The following SEMA3D variants were observed in gnomAD, a reference collection of about 807,000 sequenced individuals.
SEMA3D encodes the protein semaphorin-3D.
Under a neutral mutation model 100.1 loss-of-function variants are expected in SEMA3D, and 84 were observed. That is an observed-to-expected ratio of 0.84 (90% CI 0.70 to 1.01). The LOEUF is 1.01. SEMA3D is among the 50% of genes least tolerant of loss of function. The pLI is 0.00. For missense variants in SEMA3D, 875 were observed against 934.1 expected (o/e 0.94, Z 0.82); for synonymous variants, 312 against 320.7 (o/e 0.97, Z 0.29).
chr7:85,136,000 C>A (rs749749793), intron 2 of SEMA3D, among the ~76,000 whole-genome samples: 2 of 152,024 alleles, frequency 1.3e-5, no homozygotes, highest in East Asian at 1.9e-4. Flanking sequence ...ACAGCACAGA[C>A]CTTTTCCTAA....
At chr7:85,146,490 G>T (rs1338332229) in intron 2 of SEMA3D, among the ~76,000 whole-genome samples, 1 of 151,712 alleles carries the variant, frequency 6.6e-6, no homozygotes, top group African/African-American at 2.4e-5. Flanking sequence ...GGAGGCGGAG[G>T]TTGCATTGAG....
At chr7:85,061,328 C>G (rs1012839803) in intron 8 of SEMA3D, among the ~76,000 whole-genome samples, 3 of 152,074 alleles carry the variant, frequency 2.0e-5, no homozygotes, top group Non-Finnish European at 4.4e-5. Context: ...TGAGAAGGAT[C>G]CTTGCACTGT....
At chr7:85,031,452 G>A (rs1562789991) in intron 12 of SEMA3D, among the ~76,000 whole-genome samples, 1 of 151,982 alleles carries the variant, frequency 6.6e-6, no homozygotes, top group East Asian at 1.9e-4. Flanking sequence ...AAGAGAAATG[G>A]TAAGTGTAGT....
the SEMA3D span, among the ~76,000 whole-genome samples, chr7:85,204,538 C>T: frequency 6.6e-6 from 1 of 151,986 alleles, no homozygotes; most frequent in Non-Finnish European, 1.5e-5. Context: ...AGTGAGGAAC[C>T]ATCTTAATTT....
intron 1 of SEMA3D, among the ~76,000 whole-genome samples, chr7:85,180,824 T>C (rs903537469): frequency 6.6e-6 from 1 of 152,212 alleles, no homozygotes; most frequent in Non-Finnish European, 1.5e-5. Context: ...AGGCTTCTCA[T>C]GCTGTAACAG....
chr7:85,008,712 G>A (rs532518217), intron 17 of SEMA3D, among the ~76,000 whole-genome samples: 2 of 151,828 alleles, frequency 1.3e-5, no homozygotes, highest in East Asian at 3.9e-4. Context: ...GTGAATAAGT[G>A]TAAGAAAATG....
chr7:85,028,113 A>G, intron 12 of SEMA3D: 1 of 637,122 alleles, frequency 1.6e-6, no homozygotes, highest in South Asian at 1.5e-5. Context: ...CACGGTGGTA[A>G]ATGATGCTGG....
intron 5 of SEMA3D, among the ~76,000 whole-genome samples, chr7:85,077,535 C>T (rs775435505): frequency 2.0e-5 from 3 of 151,840 alleles, no homozygotes; most frequent in African/African-American, 4.8e-5. Flanking sequence ...CAGGGATATG[C>T]TATTTAAAAA....
At chr7:85,200,752 A>C in the SEMA3D span, among the ~76,000 whole-genome samples, 1 of 152,198 alleles carries the variant, frequency 6.6e-6, no homozygotes, top group Non-Finnish European at 1.5e-5. Flanking sequence ...AGAGGTCTTC[A>C]GGGCAGCCCC....
At chr7:85,048,511 T>C (rs1420580851) in intron 9 of SEMA3D, among the ~76,000 whole-genome samples, 2 of 151,854 alleles carry the variant, frequency 1.3e-5, no homozygotes, top group African/African-American at 4.8e-5. Flanking sequence ...TATTGAACTA[T>C]ATTACTATAT....
chr7:85,148,648 T>C (rs754580280), intron 2 of SEMA3D, among the ~76,000 whole-genome samples: 5 of 152,170 alleles, frequency 3.3e-5, no homozygotes, highest in Admixed American at 6.6e-5. Flanking sequence ...CATGAGAAGA[T>C]ATAGTTATCT....
At chr7:85,116,901 A>G (rs1222680633) in intron 3 of SEMA3D, among the ~76,000 whole-genome samples, 1 of 152,100 alleles carries the variant, frequency 6.6e-6, no homozygotes, top group Non-Finnish European at 1.5e-5. Context: ...AAAGTAAAAG[A>G]TTGTATAAAA....
upstream of SEMA3D, among the ~76,000 whole-genome samples, chr7:85,188,507 T>C (rs1175390222): frequency 1.3e-5 from 2 of 152,250 alleles, no homozygotes; most frequent in South Asian, 2.1e-4. Flanking sequence ...TCTATGTGTT[T>C]ATATTATTTT....
chr7:85,030,750 A>T (rs1198291164), intron 12 of SEMA3D, among the ~76,000 whole-genome samples: 1 of 152,054 alleles, frequency 6.6e-6, no homozygotes, highest in Non-Finnish European at 1.5e-5. Context: ...TAAAAAACCA[A>T]CTATCAAGTT....
In SEMA3D at chr7:85,025,638, G is replaced by GA. The variant is rs1790371765; in HGVS notation, c.1192-3026dup. On this transcript the variant is annotated intron_variant, in intron 12 of 18. Coordinates refer to ENST00000284136, the MANE Select transcript of SEMA3D (RefSeq NM_001384900.1). The stretch of plus-strand genomic sequence containing the variant: ...CAGTTTCCTTTGAAACAAGTCAGAG[G>GA]AATGACTAATGTGAGGGAAGACATG... Among the ~76,000 whole-genome samples, 3 of 152,096 alleles carry GA rather than the reference G, an allele frequency of 2.0e-5. No individual in the cohort carries two copies. In the South Asian group the frequency reaches 6.2e-4, roughly 32 times the overall value.
chr7:85,094,968 T>A (rs549258184), intron 4 of SEMA3D, among the ~76,000 whole-genome samples: 3 of 151,926 alleles, frequency 2.0e-5, no homozygotes, highest in Non-Finnish European at 4.4e-5. Context: ...CATAATATCA[T>A]CCATCTTCTT....
intron 4 of SEMA3D, among the ~76,000 whole-genome samples, chr7:85,084,571 T>G (rs1196242105): frequency 1.4e-5 from 2 of 147,726 alleles, no homozygotes; most frequent in Admixed American, 6.7e-5. Context: ...CTAGGAAAGG[T>G]TTTTTTTTTC....
the SEMA3D span, among the ~76,000 whole-genome samples, chr7:85,204,183 T>C: frequency 6.6e-6 from 1 of 152,104 alleles, no homozygotes; most frequent in Non-Finnish European, 1.5e-5. Context: ...GAAGAGACTC[T>C]TGCTCGACCA....
chr7:85,177,127 T>A (rs1461626346), intron 1 of SEMA3D, among the ~76,000 whole-genome samples: 1 of 152,104 alleles, frequency 6.6e-6, no homozygotes, highest in East Asian at 1.9e-4. Flanking sequence ...TCAGAACATA[T>A]CCCTGTCATT....
Sources: allele counts gnomAD v4.1 joint callset (sites outside exome capture counted in the v4.1 genomes callset), GRCh38; gene constraint gnomAD v4.1.1; transcripts MANE v1.5; gene names NCBI Gene and HGNC (gene_info 2026-07-23, HGNC 2026-07-21).